Variants in PDE4B observed in about 807,000 individuals in gnomAD.
PDE4B encodes phosphodiesterase 4B.
A neutral mutation model predicts 82.2 loss-of-function variants in PDE4B; 20 were observed. The observed-to-expected ratio is 0.24, with a 90% CI of 0.17 to 0.35. PDE4B has a LOEUF of 0.35. Among genes scored for constraint, PDE4B ranks in the 10% least tolerant of loss-of-function variants. The pLI, the probability that PDE4B is intolerant of heterozygous loss-of-function variation, is 1.00. For synonymous variants in PDE4B, 320 were observed against 318.9 expected (o/e 1.00, Z -0.04); for missense variants, 655 against 907.2 (o/e 0.72, Z 3.57).
chr1:65,843,575 G>A (rs1328778441), intron 1 of PDE4B, among the ~76,000 whole-genome samples: 1 of 152,060 alleles, frequency 6.6e-6, no homozygotes, highest in African/African-American at 2.4e-5. Flanking sequence ...ATAAACTTGA[G>A]TTTCTTAATG....
chr1:65,807,762 G>A (rs902990317), intron 1 of PDE4B, among the ~76,000 whole-genome samples: 1 of 152,214 alleles, frequency 6.6e-6, no homozygotes, highest in Non-Finnish European at 1.5e-5. Context: ...GTGATGTGGT[G>A]TCCTCTGAGA....
intron 3 of PDE4B, among the ~76,000 whole-genome samples, chr1:66,152,050 G>A (rs1479342785): frequency 6.6e-6 from 1 of 152,140 alleles, no homozygotes; most frequent in African/African-American, 2.4e-5. Context: ...CCTCAAAGTA[G>A]CTGTAAAAAA....
intron 3 of PDE4B, among the ~76,000 whole-genome samples, chr1:66,203,390 G>T (rs963244872): frequency 6.6e-6 from 1 of 152,050 alleles, no homozygotes; most frequent in Non-Finnish European, 1.5e-5. Flanking sequence ...TCTGAAGTTG[G>T]CCTGCCTTGC....
chr1:66,262,830 T>G (rs1654781427), intron 6 of PDE4B, among the ~76,000 whole-genome samples: 1 of 152,226 alleles, frequency 6.6e-6, no homozygotes, highest in Non-Finnish European at 1.5e-5. Flanking sequence ...TAAAGCCATA[T>G]TTTCAAAATT....
rs766455604 is a variant in PDE4B, at chr1:66,257,848, A to T, written c.569A>T (p.His190Leu). ...AACTTCACTATACTGACAAACCTTC[A>T]TGGTACATCTAACAAGTAAGGATTG... The part of the protein sequence containing the change: ...RNNFTILTNL[H>L]GTSNKRSPAA... Residue 190 changes from histidine (H) to leucine (L), a missense_variant, in exon 6 of 17, where the codon CAT becomes CTT. Physicochemically the swap from His to Leu is moderately conservative, Grantham distance 99 (BLOSUM62 -3). Around this residue, in one of 3 missense-constraint regions of PDE4B, gnomAD observed 253 missense variants for 275.6 expected, o/e 0.92. Transcript: ENST00000341517. The T allele has an allele frequency of 1.5e-5, 24 of 1,612,300 alleles. No individual in the cohort carries two copies. Among genetic ancestry groups the T allele is most frequent in the Non-Finnish European group, 2.0e-5 (24 of 1,178,428 alleles).
intron 3 of PDE4B, among the ~76,000 whole-genome samples, chr1:66,187,873 C>G (rs955944556): frequency 1.3e-4 from 20 of 151,980 alleles, no homozygotes; most frequent in Admixed American, 7.9e-4. Flanking sequence ...TTGCCTTCTG[C>G]TAGCTTTTGA....
chr1:66,176,872 A>G (rs1483600369), intron 3 of PDE4B, among the ~76,000 whole-genome samples: 2 of 152,216 alleles, frequency 1.3e-5, no homozygotes, highest in African/African-American at 4.8e-5. Context: ...ACACTTATTG[A>G]GAGTGCTACT....
chr1:65,886,116 T>G (rs1646772879), intron 1 of PDE4B, among the ~76,000 whole-genome samples: 2 of 151,676 alleles, frequency 1.3e-5, no homozygotes, highest in African/African-American at 2.4e-5. Context: ...AAATGACATT[T>G]GTATATATTT....
At chr1:66,352,565 C>G (rs1408770664) in intron 8 of PDE4B, among the ~76,000 whole-genome samples, 1 of 152,202 alleles carries the variant, frequency 6.6e-6, no homozygotes, top group Non-Finnish European at 1.5e-5. Flanking sequence ...CTCCTATCTT[C>G]TGAGCAGAGT....
intron 1 of PDE4B, among the ~76,000 whole-genome samples, chr1:65,893,117 A>G (rs1646870143): frequency 6.6e-6 from 1 of 152,068 alleles, no homozygotes; most frequent in African/African-American, 2.4e-5. Flanking sequence ...TTCTTTCTGC[A>G]TTGTTTTTTC....
chr1:66,218,191 C>A (rs1300553786), intron 3 of PDE4B, among the ~76,000 whole-genome samples: 1 of 152,084 alleles, frequency 6.6e-6, no homozygotes, highest in Non-Finnish European at 1.5e-5. Context: ...AAAATAGTAG[C>A]TTCTAACTAC....
At chr1:66,076,870 G>A (rs773587827) in intron 3 of PDE4B, among the ~76,000 whole-genome samples, 20 of 151,720 alleles carry the variant, frequency 1.3e-4, no homozygotes, top group Non-Finnish European at 2.8e-4. Flanking sequence ...CTTGTTTTTC[G>A]CATGTTAATT....
chr1:66,083,658 C>A (rs1175067669), intron 3 of PDE4B, among the ~76,000 whole-genome samples: 1 of 152,076 alleles, frequency 6.6e-6, no homozygotes, highest in East Asian at 1.9e-4. Flanking sequence ...GCTCATTTGA[C>A]CCAGAATGTT....
rs191353996 is a variant in PDE4B at position 65,834,771 on chromosome 1, A to G, written c.-71+41523A>G. Among the ~76,000 whole-genome samples, 41 of 152,296 alleles carry G rather than the reference A, an allele frequency of 2.7e-4. No homozygotes were observed. The East Asian group carries it at 7.5e-3, about 28-fold the overall frequency. On this transcript the variant is annotated intron_variant, in intron 1 of 16. Coordinates refer to ENST00000341517, the MANE Select transcript of PDE4B (RefSeq NM_002600.4). ...TTTTGACTCCAAATTTCATTTTGCC[A>G]CTTCCTGGGTTGTACTGGTAAGTTC...
chr1:65,945,129 T>G (rs944327241), intron 3 of PDE4B, among the ~76,000 whole-genome samples: 1 of 152,104 alleles, frequency 6.6e-6, no homozygotes. Context: ...TAGAACCACA[T>G]AATGGCTATT....
chr1:65,843,927 A>C (rs1646238288), intron 1 of PDE4B, among the ~76,000 whole-genome samples: 1 of 152,182 alleles, frequency 6.6e-6, no homozygotes, highest in Non-Finnish European at 1.5e-5. Flanking sequence ...ACAATTATAG[A>C]ACATCTTCAT....
chr1:66,086,476 A>G (rs1189800617), intron 3 of PDE4B, among the ~76,000 whole-genome samples: 1 of 152,110 alleles, frequency 6.6e-6, no homozygotes, highest in Non-Finnish European at 1.5e-5. Context: ...TATTCTTTAC[A>G]TTTCTGATAG....
At chr1:66,192,312 A>T (rs1474394270) in intron 3 of PDE4B, among the ~76,000 whole-genome samples, 2 of 152,136 alleles carry the variant, frequency 1.3e-5, no homozygotes, top group East Asian at 3.8e-4. Flanking sequence ...ATTTTAATTT[A>T]AAAAAACCAT....
At chr1:66,116,053 A>T (rs1645587693) in intron 3 of PDE4B, among the ~76,000 whole-genome samples, 1 of 152,192 alleles carries the variant, frequency 6.6e-6, no homozygotes, top group African/African-American at 2.4e-5. Context: ...TGCTTATCCA[A>T]TGTGTGGAAG....
Sources: allele counts gnomAD v4.1 joint callset (sites outside exome capture counted in the v4.1 genomes callset), GRCh38; gene constraint gnomAD v4.1.1; regional missense constraint gnomAD v4.1.1; transcripts MANE v1.5; gene names NCBI Gene and HGNC (gene_info 2026-07-23, HGNC 2026-07-21).